The following NBEA variants were observed in gnomAD, a reference collection of about 807,000 sequenced individuals.
The protein encoded by NBEA is lysosomal-trafficking regulator 2.
Under a neutral mutation model 343.4 loss-of-function variants are expected in NBEA, and 44 were observed. The observed-to-expected ratio is 0.13, with a 90% CI of 0.10 to 0.16. NBEA has a LOEUF of 0.16. Ranked by LOEUF, NBEA falls within the 10% of genes least tolerant of loss-of-function variation. The pLI is 1.00. For missense variants in NBEA, 2,555 were observed against 3,631.3 expected (o/e 0.70, Z 7.62); for synonymous variants, 1,175 against 1,238.7 (o/e 0.95, Z 1.08).
At chr13:35,235,775 G>A (rs930520675) in intron 34 of NBEA, among the ~76,000 whole-genome samples, 3 of 152,112 alleles carry the variant, frequency 2.0e-5, no homozygotes, top group Non-Finnish European at 4.4e-5. Context: ...GTAATTGAGA[G>A]TTATTTTTTT....
chr13:35,202,144 A>G (rs2073065163), intron 31 of NBEA, among the ~76,000 whole-genome samples: 3 of 152,140 alleles, frequency 2.0e-5, no homozygotes, highest in Middle Eastern at 6.8e-3. Flanking sequence ...AAATTTTTGT[A>G]TGCACTTTTC....
At chr13:34,962,064 A>G (rs1250157240) in intron 1 of NBEA, among the ~76,000 whole-genome samples, 2 of 150,796 alleles carry the variant, frequency 1.3e-5, no homozygotes, top group Non-Finnish European at 2.9e-5. Context: ...CACCTGTTTT[A>G]TTTTACATTT....
At chr13:35,312,152 A>G (rs1594172275) in intron 36 of NBEA, among the ~76,000 whole-genome samples, 1 of 152,238 alleles carries the variant, frequency 6.6e-6, no homozygotes, top group African/African-American at 2.4e-5. Flanking sequence ...AAAGGCAAAC[A>G]TTAGATGAAC....
At chr13:35,011,889 T>C (rs190403319) in intron 1 of NBEA, among the ~76,000 whole-genome samples, 1 of 152,346 alleles carries the variant, frequency 6.6e-6, no homozygotes, top group Non-Finnish European at 1.5e-5. Context: ...GATTTTTTAC[T>C]ATCTATAATT....
intron 33 of NBEA, among the ~76,000 whole-genome samples, chr13:35,211,754 G>A (rs2073789146): frequency 6.6e-6 from 1 of 152,102 alleles, no homozygotes; most frequent in African/African-American, 2.4e-5. Flanking sequence ...GGGAGGCAGA[G>A]GTTGCAGTGA....
chr13:35,595,562 A>T (rs2081753631), intron 47 of NBEA, among the ~76,000 whole-genome samples: 1 of 152,082 alleles, frequency 6.6e-6, no homozygotes, highest in Non-Finnish European at 1.5e-5. Flanking sequence ...TCTCTGGTTG[A>T]TGGAGAATCT....
chr13:34,965,545 T>C (rs2059793903), intron 1 of NBEA, among the ~76,000 whole-genome samples: 1 of 152,028 alleles, frequency 6.6e-6, no homozygotes, highest in African/African-American at 2.4e-5. Flanking sequence ...AAATCTGAAT[T>C]GGCACAGTGT....
chr13:35,623,177 T>C (rs1208971202), intron 48 of NBEA, among the ~76,000 whole-genome samples: 2 of 152,200 alleles, frequency 1.3e-5, no homozygotes, highest in Non-Finnish European at 2.9e-5. Context: ...TAATCAAGTA[T>C]TTCTTTACAT....
chr13:35,356,843 A>G (rs2040516289), intron 38 of NBEA, among the ~76,000 whole-genome samples: 1 of 152,100 alleles, frequency 6.6e-6, no homozygotes, highest in Non-Finnish European at 1.5e-5. Flanking sequence ...TTCCTTCTGC[A>G]TGATATACTC....
chr13:35,205,935 A>G lies in NBEA; in HGVS notation c.5367-2765A>G, dbSNP rs572734377. 4.6e-5 allele frequency among the ~76,000 whole-genome samples: 7 copies of G among 152,134 alleles called. No individual in the cohort carries two copies. The South Asian group carries it at 1.5e-3, about 32-fold the overall frequency. ...GGGGAGGAGAATGAAGCTTAGAGAG[A>G]TCTATGTGCCCAATACCACGTAGTA... On this transcript the variant is annotated intron_variant, in intron 31 of 58. Coordinates refer to ENST00000379939, the MANE Select transcript of NBEA (RefSeq NM_001385012.1).
chr13:35,055,154 T>G (rs1329593298), intron 6 of NBEA, among the ~76,000 whole-genome samples: 1 of 152,120 alleles, frequency 6.6e-6, no homozygotes, highest in Admixed American at 6.6e-5. Context: ...CCAGTTAATT[T>G]TCCCCCCTTA....
chr13:35,350,271 A>C (rs909185491), intron 37 of NBEA, among the ~76,000 whole-genome samples: 1 of 152,136 alleles, frequency 6.6e-6, no homozygotes, highest in Non-Finnish European at 1.5e-5. Context: ...GAGCTTTAAC[A>C]TGTTTAACCA....
At chr13:35,045,823 G>A (rs1309070782) in intron 4 of NBEA, among the ~76,000 whole-genome samples, 1 of 152,062 alleles carries the variant, frequency 6.6e-6, no homozygotes, top group Non-Finnish European at 1.5e-5. Context: ...TGCCTCCCGG[G>A]TTCAAGCAAT....
chr13:35,087,776 A>G (rs1261745016), intron 10 of NBEA, among the ~76,000 whole-genome samples: 1 of 151,940 alleles, frequency 6.6e-6, no homozygotes, highest in South Asian at 2.1e-4. Context: ...CAGAATAGTC[A>G]GAAGGCAAAA....
intron 47 of NBEA, among the ~76,000 whole-genome samples, chr13:35,595,379 G>T (rs966834829): frequency 1.3e-5 from 2 of 151,810 alleles, no homozygotes; most frequent in African/African-American, 4.8e-5. Flanking sequence ...TTCATAAGAA[G>T]CTCATTTCCC....
rs190526067 is a variant in NBEA at position 35,455,207 on chromosome 13, C to T, written c.6448+2972C>T. On this transcript the variant is annotated intron_variant, in intron 40 of 58. Coordinates refer to ENST00000379939, the MANE Select transcript of NBEA (RefSeq NM_001385012.1). ...GCATACTACATTTTCCTGTTATTTA[C>T]AAAACCCCGTTTTGCTGACATAGGC... Among the ~76,000 whole-genome samples the T allele has an allele frequency of 1.7e-3, 257 of 152,046 alleles. 1 individual carries two copies. Among genetic ancestry groups the T allele is most frequent in the African/African-American group, 6.0e-3 (250 of 41,524 alleles).
chr13:35,605,499 A>T (rs534467357), intron 47 of NBEA, among the ~76,000 whole-genome samples: 28 of 152,190 alleles, frequency 1.8e-4, no homozygotes, highest in African/African-American at 6.3e-4. Context: ...TATGCCATCA[A>T]TGTTGATCAT....
At chr13:35,639,274 A>G in intron 49 of NBEA, among the ~76,000 whole-genome samples, 1 of 152,316 alleles carries the variant, frequency 6.6e-6, no homozygotes, top group African/African-American at 2.4e-5. Flanking sequence ...AAAGCAAGAA[A>G]CAACAAAGTG....
chr13:35,649,273 G>A (rs534187524), intron 51 of NBEA, among the ~76,000 whole-genome samples: 65 of 152,248 alleles, frequency 4.3e-4, no homozygotes, highest in African/African-American at 1.5e-3. Context: ...GTAAAAAATG[G>A]GAGTCACTAA....
Sources: allele counts gnomAD v4.1 joint callset (sites outside exome capture counted in the v4.1 genomes callset), GRCh38; gene constraint gnomAD v4.1.1; transcripts MANE v1.5; gene names NCBI Gene and HGNC (gene_info 2026-07-23, HGNC 2026-07-21).